Variants in WDFY4 observed in about 807,000 individuals in gnomAD.
WDFY4 encodes WDFY family member 4.
Under a neutral mutation model 351.9 loss-of-function variants are expected in WDFY4, and 169 were observed. The ratio of observed to expected loss-of-function variants is 0.48; its 90% CI spans 0.42 to 0.55. The LOEUF (loss-of-function observed/expected upper bound fraction) is 0.55. Ranked by LOEUF, WDFY4 falls within the 20% of genes least tolerant of loss-of-function variation. The pLI is 0.00. For missense variants in WDFY4, 3,803 were observed against 3,935.6 expected (o/e 0.97, Z 0.90); for synonymous variants, 1,622 against 1,574.6 (o/e 1.03, Z -0.71).
intron 2 of WDFY4, among the ~76,000 whole-genome samples, chr10:48,711,539 C>T (rs905717775): frequency 1.3e-5 from 2 of 152,190 alleles, no homozygotes; most frequent in Non-Finnish European, 2.9e-5. Flanking sequence ...CTTTTCCCAC[C>T]TGCATGGGCA....
In WDFY4 at chr10:48,832,657, C is replaced by A. The variant is rs1473621334; in HGVS notation, c.6611C>A (p.Ala2204Asp). 4.5e-6 allele frequency: 7 copies of A among 1,550,742 alleles called. No individual in the cohort carries two copies. Among genetic ancestry groups the A allele is most frequent in the Non-Finnish European group, 6.1e-6 (7 of 1,146,466 alleles). The part of the protein sequence containing the change: ...VTLWSGSLSS[A>D]MKLMPGRQAK... ...TTGTGGAGTGGAAGCCTGTCCTCAG[C>A]CATGAAGCTGATGCCCGGGCGGCAG... Residue 2204 changes from alanine (A) to aspartate (D), a missense_variant, in exon 39 of 62, where the codon GCC (alanine) becomes GAC (aspartate). Ala to Asp is a moderately radical substitution (Grantham distance 126). Transcript: ENST00000325239.
intron 58 of WDFY4, 199 bp downstream of exon 58, chr10:48,975,240 C>G: frequency 1.4e-6 from 1 of 725,726 alleles, no homozygotes; most frequent in East Asian, 2.7e-5. Context: ...TTACTTTCCT[C>G]CCTCTGGTGT....
At chr10:48,885,765 GATAA>G (rs1429502369) in intron 43 of WDFY4, among the ~76,000 whole-genome samples, 4 of 152,044 alleles carry the variant, frequency 2.6e-5, no homozygotes, top group East Asian at 1.9e-4. Context: ...TAGATAGATA[GATAA>G]ATAGATAGAT....
intron 10 of WDFY4, 147 bp from the exon 11 acceptor site, chr10:48,735,733 A>G (rs1589485665): frequency 1.3e-6 from 1 of 777,462 alleles, no homozygotes; most frequent in East Asian, 2.7e-5. Flanking sequence ...GGTATGGGTT[A>G]CCAAAAAATC....
intron 7 of WDFY4, 22 bp downstream of exon 7, chr10:48,727,681 G>C: frequency 1.3e-6 from 2 of 1,550,918 alleles, no homozygotes; most frequent in South Asian, 1.2e-5. Flanking sequence ...TGTTTGGTAC[G>C]GGGAGAGCAC....
At chr10:48,835,385 G>A (rs1345991923) in intron 39 of WDFY4, among the ~76,000 whole-genome samples, 1 of 152,162 alleles carries the variant, frequency 6.6e-6, no homozygotes, top group African/African-American at 2.4e-5. Flanking sequence ...GCTTTGAGAT[G>A]CTCTGGGAAA....
At chr10:48,860,400 C>T (rs1242469260) in intron 39 of WDFY4, among the ~76,000 whole-genome samples, 1 of 152,174 alleles carries the variant, frequency 6.6e-6, no homozygotes, top group African/African-American at 2.4e-5. Flanking sequence ...GAAGGCTCCC[C>T]TCCTGGCTTA....
At chr10:48,909,923 G>A (rs1837848270) in intron 47 of WDFY4, 2 of 341,440 alleles carry the variant, frequency 5.9e-6, no homozygotes, top group African/African-American at 4.2e-5. Flanking sequence ...GAGGCAGTAA[G>A]CCTTTTAAGT....
In WDFY4 at chr10:48,826,873, G is replaced by A. The variant is rs375205261; in HGVS notation, c.6185G>A (p.Cys2062Tyr). Residue 2062 changes from cysteine to tyrosine, a missense_variant, in exon 36 of 62, where the codon TGT becomes TAT. This residue lies in a region of WDFY4 where 3,054 missense variants were observed against 3,148.6 expected (regional missense o/e 0.97). Transcript: ENST00000325239. Reference protein sequence around the residue: ...TYNSNISFLLCLMHCLLLLNE... With the variant: ...TYNSNISFLLYLMHCLLLLNE... ...AATTCCAACATCAGCTTCCTCCTGTGTCTCATGCATTGCCTTTTGCTACTC... is the reference window on the plus strand; with the variant it reads ...AATTCCAACATCAGCTTCCTCCTGTATCTCATGCATTGCCTTTTGCTACTC... 6.4e-7 allele frequency: 1 copy of A among 1,551,704 alleles called. No individual in the cohort carries two copies. The highest frequency in any genetic ancestry group is 8.7e-7 in the Non-Finnish European group (1 of 1,147,000).
At position 48,981,418 on chromosome 10, in the gene WDFY4, T is replaced by C. The variant is rs1271126974; in HGVS notation, c.9428T>C (p.Ile3143Thr). 2.0e-5 allele frequency: 31 copies of C among 1,551,656 alleles called. No individual in the cohort carries two copies. The highest frequency in any genetic ancestry group is 1.7e-4 in the Middle Eastern group (1 of 6,014). ...LALSRELDVS[I>T]ALTGKPSKTS... is the part of the protein sequence containing the mutation. ...TTGAGTCGAGAGCTGGACGTTAGCA[T>C]TGCTTTGACAGGGAAGCCCAGCAAA... The change falls in exon 61 of 62, where the codon ATT becomes ACT. Residue 3143 changes from isoleucine (I) to threonine (T), a missense_variant. Transcript: ENST00000325239.
chr10:48,823,677 G>T lies in WDFY4; in HGVS notation c.5982+1140G>T, dbSNP rs941632850. On this transcript the variant is annotated intron_variant, in intron 35 of 61. Transcript: ENST00000325239. ...GTTGTGTTGTAAATGGAAAGAAGCT[G>T]CTGAGCTCCCTATGGCTAAAGCATG... The T allele has an allele frequency of 6.0e-6, 6 of 1,003,410 alleles. No homozygotes were observed. In the African/African-American group the frequency reaches 1.0e-4, roughly 17 times the overall value. 62.2% of individuals were successfully genotyped at this position (1,003,410 alleles called of 1,614,324 possible). A position where few individuals can be genotyped will look rare whatever the true frequency, so the allele number is the denominator to read the frequency against.
intron 2 of WDFY4, among the ~76,000 whole-genome samples, chr10:48,712,285 A>G (rs907064468): frequency 1.3e-5 from 2 of 152,220 alleles, no homozygotes; most frequent in Non-Finnish European, 2.9e-5. Flanking sequence ...CAAGACAATG[A>G]TTATAAAGTC....
At chr10:48,874,771 G>A (rs959363625) in intron 41 of WDFY4, among the ~76,000 whole-genome samples, 1 of 152,152 alleles carries the variant, frequency 6.6e-6, no homozygotes, top group Non-Finnish European at 1.5e-5. Context: ...ACCTCCCCTG[G>A]TCCCCTCTCC....
rs1459718438 is a variant in WDFY4 at position 48,897,523 on chromosome 10, C to T, written c.7386C>T (p.Cys2462=). 3 of 1,551,050 alleles carry T rather than the reference C, an allele frequency of 1.9e-6. No homozygotes were observed. Among genetic ancestry groups the T allele is most frequent in the Non-Finnish European group, 2.6e-6 (3 of 1,147,014 alleles). Residue 2462 remains cysteine (C), a synonymous_variant, in exon 45 of 62, where the codon TGC becomes TGT. Coordinates refer to ENST00000325239, the MANE Select transcript of WDFY4 (RefSeq NM_001394531.1). ...CCACTGACCATTACTCGTGCCAGTGCCACAGCTACGCTGACATGCGGGAGC... is the reference window on the plus strand; with the variant it reads ...CCACTGACCATTACTCGTGCCAGTGTCACAGCTACGCTGACATGCGGGAGC... ...DRSTDHYSCQ[C]HSYADMRELR...
chr10:48,728,887 G>T (rs1426126762), intron 7 of WDFY4, among the ~76,000 whole-genome samples: 1 of 152,218 alleles, frequency 6.6e-6, no homozygotes, highest in Non-Finnish European at 1.5e-5. Flanking sequence ...TGGGCTCATT[G>T]GCTTTCCTTT....
intron 55 of WDFY4, 55 bp from the exon 56 acceptor site, chr10:48,969,009 C>T: frequency 1.3e-6 from 2 of 1,524,328 alleles, no homozygotes; most frequent in Non-Finnish European, 1.8e-6. Flanking sequence ...GGGGGCCCAG[C>T]TGTAGTGGGT....
chr10:48,896,053 GC>G (rs1357435409), intron 44 of WDFY4, among the ~76,000 whole-genome samples: 16 of 152,348 alleles, frequency 1.1e-4, no homozygotes, highest in Middle Eastern at 3.4e-3. Context: ...CCTGGGTCTT[GC>G]AAACTGAATG....
chr10:48,823,141 C>A, intron 35 of WDFY4: 1 of 1,301,974 alleles, frequency 7.7e-7, no homozygotes. Context: ...ATCGTACAAT[C>A]TCAAAATTCC....
chr10:48,890,167 T>C (rs2070632514), intron 43 of WDFY4, among the ~76,000 whole-genome samples: 1 of 152,232 alleles, frequency 6.6e-6, no homozygotes, highest in Non-Finnish European at 1.5e-5. Flanking sequence ...CTCAACCATG[T>C]ACTGGCTGGT....
Sources: gnomAD v4.1 joint callset for allele counts (sites outside exome capture counted in the v4.1 genomes callset) on GRCh38, gnomAD v4.1.1 for gene constraint, gnomAD v4.1.1 regional missense constraint, MANE v1.5 for transcripts, NCBI Gene and HGNC (gene_info 2026-07-23, HGNC 2026-07-21) for gene names.